DMD: variants seen among roughly 807,000 people sequenced by gnomAD.
DMD encodes mutant dystrophin.
Under a neutral mutation model 330.1 loss-of-function variants are expected in DMD, and 63 were observed. The ratio of observed to expected loss-of-function variants is 0.19; its 90% CI spans 0.16 to 0.24. DMD has a LOEUF of 0.24. Among genes scored for constraint, DMD ranks in the 10% least tolerant of loss-of-function variants. DMD has a pLI of 1.00. For synonymous variants in DMD, 1,223 were observed against 959.8 expected (o/e 1.27, Z -5.07); for missense variants, 3,344 against 2,684.1 (o/e 1.25, Z -5.43).
intron 41 of DMD, among the ~76,000 whole-genome samples, chrX:32,320,746 TTTC>T (rs1302031054): frequency 1.8e-5 from 2 of 112,082 alleles, no homozygotes; most frequent in African/African-American, 3.2e-5. Flanking sequence ...GAAAGATTTG[TTTC>T]TTTTTCAAAT....
intron 60 of DMD, among the ~76,000 whole-genome samples, chrX:31,396,548 G>GTTTTTTTTTTTTTT (rs56745544): frequency 1.5e-5 from 1 of 66,067 alleles, no homozygotes; most frequent in Non-Finnish European, 2.7e-5. Flanking sequence ...AAATCCCAGG[G>GTTTTTTTTTTTTTT]TTTTTTTTTT....
chrX:33,027,715 TAC>T (rs890082431), intron 1 of DMD, among the ~76,000 whole-genome samples: 6 of 104,441 alleles, frequency 5.7e-5, no homozygotes, highest in Non-Finnish European at 1.1e-4. Flanking sequence ...ATGAAGAAAC[TAC>T]AGTCATGTGA....
At chrX:31,642,919 TCTGA>T (rs1379378247) in intron 54 of DMD, among the ~76,000 whole-genome samples, 5 of 112,323 alleles carry the variant, frequency 4.5e-5, no homozygotes, top group African/African-American at 6.5e-5. Flanking sequence ...CCGATTTTGA[TCTGA>T]CTATCTGTTC....
chrX:32,423,886 G>T (rs1308312389), intron 29 of DMD, among the ~76,000 whole-genome samples: 1 of 110,287 alleles, frequency 9.1e-6, no homozygotes, highest in African/African-American at 3.3e-5. Flanking sequence ...CACAATTGAT[G>T]GTAGGACAAG....
At position 32,160,848 on chromosome X, in the gene DMD, G is replaced by T. The variant is rs142118041; in HGVS notation, c.6438+56068C>A. On this transcript the variant is annotated intron_variant, in intron 44 of 78. Coordinates refer to ENST00000357033, the MANE Select transcript of DMD (RefSeq NM_004006.3). ...GTTAATGAACAACATAAGATGTACA[G>T]CTTGCCAAATCTAAACTTTAATATT... 7.3e-4 allele frequency among the ~76,000 whole-genome samples: 82 copies of T among 111,729 alleles called. 1 individual carries two copies. The East Asian group carries it at 0.016, about 22-fold the overall frequency.
intron 9 of DMD, among the ~76,000 whole-genome samples, chrX:32,696,116 T>A (rs945017152): frequency 8.9e-6 from 1 of 112,131 alleles, no homozygotes. Context: ...ATAGAGAACG[T>A]TATTTTTCTC....
intron 7 of DMD, among the ~76,000 whole-genome samples, chrX:32,741,413 G>T (rs898827397): frequency 3.6e-4 from 40 of 111,306 alleles, no homozygotes; most frequent in African/African-American, 1.1e-3. Context: ...ACATACTAAA[G>T]CTTTTCTCCC....
chrX:33,048,483 A>G (rs1385803000), intron 1 of DMD, among the ~76,000 whole-genome samples: 1 of 109,716 alleles, frequency 9.1e-6, no homozygotes, highest in Non-Finnish European at 1.9e-5. Context: ...TGAGGTCAGG[A>G]GTTCAAGACC....
chrX:32,525,506 T>A (rs1374111655), intron 17 of DMD, among the ~76,000 whole-genome samples: 2 of 111,849 alleles, frequency 1.8e-5, no homozygotes, highest in East Asian at 5.6e-4. Context: ...CAATGCACAA[T>A]GAACTCAGTC....
intron 18 of DMD, among the ~76,000 whole-genome samples, chrX:32,503,969 T>C (rs1450851603): frequency 8.9e-6 from 1 of 112,030 alleles, no homozygotes; most frequent in East Asian, 2.8e-4. Flanking sequence ...CAGAGTAATA[T>C]TGGCAAAAGA....
intron 49 of DMD, among the ~76,000 whole-genome samples, chrX:31,833,394 A>T (rs2093119818): frequency 9.3e-6 from 1 of 107,759 alleles, no homozygotes; most frequent in Non-Finnish European, 1.9e-5. Context: ...AGAGAGAGAG[A>T]AAGAGAGTTG....
intron 7 of DMD, among the ~76,000 whole-genome samples, chrX:32,794,220 C>A (rs184346388): frequency 2.4e-4 from 27 of 111,644 alleles, no homozygotes; most frequent in African/African-American, 7.2e-4. Context: ...AAAAAATTAA[C>A]AAAATAAAGA....
At chrX:32,768,695 C>A (rs938161974) in intron 7 of DMD, among the ~76,000 whole-genome samples, 4 of 111,965 alleles carry the variant, frequency 3.6e-5, no homozygotes, top group Non-Finnish European at 5.6e-5. Context: ...AGAATTGAAT[C>A]TAATGGATAT....
rs753289022 is a variant in DMD at position 31,134,180 on chromosome X, G to C, written c.10936C>G (p.Leu3646Val). 1 of 1,209,458 alleles carries C rather than the reference G, an allele frequency of 8.3e-7. No individual in the cohort carries two copies. The highest frequency in any genetic ancestry group is 3.0e-5 in the East Asian group (1 of 33,809). ...TSDSMGEEDL[L>V]SPPQDTSTGL... ...GTGCTTGTGTCCTGGGGAGGACTGA[G>C]AAGATCTTCCTCACCTTAATAAAAG... Residue 3646 changes from leucine to valine, a missense_variant, in exon 77 of 79, where the codon CTC becomes GTC. Leu to Val is a conservative substitution (Grantham distance 32). Coordinates refer to ENST00000357033, the MANE Select transcript of DMD (RefSeq NM_004006.3).
At chrX:31,464,512 G>A (rs16989652) in intron 59 of DMD, among the ~76,000 whole-genome samples, 5,205 of 112,005 alleles carry the variant, frequency 0.046, 102 homozygotes, top group Middle Eastern at 0.069. Context: ...TTATGCTTTC[G>A]ATGTGGAAGG....
intron 60 of DMD, among the ~76,000 whole-genome samples, chrX:31,413,773 T>C (rs1397121314): frequency 9.0e-6 from 1 of 110,580 alleles, no homozygotes; most frequent in Non-Finnish European, 1.9e-5. Context: ...TTTAATAAGA[T>C]TGTGAGCAGC....
In DMD at chrX:33,129,292, G is replaced by T. The variant is rs181647319; in HGVS notation, c.31+81990C>A. ...AGTTGTTAAAATGATTGAAGTTCAT[G>T]TAAAAGAAATCCAGAGTTACAGTTA... On this transcript the variant is annotated intron_variant, in intron 1 of 78. Transcript: ENST00000357033. Among the ~76,000 whole-genome samples, 122 of 79,718 alleles carry T rather than the reference G, an allele frequency of 1.5e-3. 1 individual carries two copies. The highest frequency in any genetic ancestry group is 5.7e-3 in the African/African-American group (118 of 20,728). 69.2% of individuals were successfully genotyped at this position (79,718 alleles called of 115,157 possible).
intron 15 of DMD, among the ~76,000 whole-genome samples, chrX:32,566,105 T>C (rs897408233): frequency 8.9e-6 from 1 of 112,196 alleles, no homozygotes; most frequent in Non-Finnish European, 1.9e-5. Flanking sequence ...AACTCAAACG[T>C]AGAATAAAGA....
intron 2 of DMD, among the ~76,000 whole-genome samples, chrX:33,013,288 T>A (rs1360888955): frequency 9.0e-6 from 1 of 111,290 alleles, no homozygotes; most frequent in Non-Finnish European, 1.9e-5. Flanking sequence ...ACATATAATT[T>A]TCAGTAGGAT....
Sources: allele counts gnomAD v4.1 joint callset (sites outside exome capture counted in the v4.1 genomes callset), GRCh38; gene constraint gnomAD v4.1.1; transcripts MANE v1.5; gene names NCBI Gene and HGNC (gene_info 2026-07-23, HGNC 2026-07-21).